TRAF3: variants seen among roughly 807,000 people sequenced by gnomAD.
TRAF3 encodes TNF receptor-associated factor 3.
In TRAF3, 13 loss-of-function variants were observed where a neutral mutation model predicts 62.3. That is an observed-to-expected ratio of 0.21 (90% CI 0.14 to 0.33). TRAF3 has a LOEUF of 0.33. Ranked by LOEUF, TRAF3 falls within the 10% of genes least tolerant of loss-of-function variation. TRAF3 has a pLI of 1.00. For missense variants in TRAF3, 440 were observed against 741.8 expected (o/e 0.59, Z 4.73); for synonymous variants, 269 against 283.4 (o/e 0.95, Z 0.51).
intron 7 of TRAF3, among the ~76,000 whole-genome samples, chr14:102,888,131 GTAATA>G (rs1241438602): frequency 2.6e-5 from 4 of 152,226 alleles, no homozygotes; most frequent in Non-Finnish European, 5.9e-5. Context: ...GGCTTAACAT[GTAATA>G]GCGTTGACAC....
chr14:102,848,651 C>T (rs190519769), intron 2 of TRAF3, among the ~76,000 whole-genome samples: 13 of 152,286 alleles, frequency 8.5e-5, no homozygotes, highest in Middle Eastern at 3.4e-3. Context: ...TTTGAAGCAG[C>T]GTCCAAATAA....
intron 6 of TRAF3, among the ~76,000 whole-genome samples, chr14:102,883,103 G>A (rs549717263): frequency 7.9e-5 from 12 of 152,312 alleles, no homozygotes; most frequent in African/African-American, 2.9e-4. Context: ...TCTTCTCCTG[G>A]ATGTGTAGGA....
chr14:102,846,000 A>C (rs940982846), intron 2 of TRAF3, among the ~76,000 whole-genome samples: 9 of 149,208 alleles, frequency 6.0e-5, no homozygotes, highest in African/African-American at 2.0e-4. Flanking sequence ...AAAAAAAAAA[A>C]AAAAAAAAAT....
At chr14:102,888,067 A>G (rs187736844) in intron 7 of TRAF3, among the ~76,000 whole-genome samples, 1 of 152,214 alleles carries the variant, frequency 6.6e-6, no homozygotes, top group East Asian at 1.9e-4. Context: ...CACCGAATTT[A>G]CTCTAGTACA....
intron 6 of TRAF3, among the ~76,000 whole-genome samples, chr14:102,880,826 G>A (rs1889008328): frequency 1.3e-5 from 2 of 152,178 alleles, no homozygotes; most frequent in South Asian, 2.1e-4. Context: ...GCCTATAATC[G>A]CAGCACTTTG....
intron 2 of TRAF3, among the ~76,000 whole-genome samples, chr14:102,858,937 G>A (rs1178048711): frequency 6.6e-6 from 1 of 152,114 alleles, no homozygotes. Context: ...AGACCAGAAG[G>A]TAAGATTCTT....
chr14:102,808,196 C>T (rs981268087), intron 1 of TRAF3, among the ~76,000 whole-genome samples: 1 of 152,018 alleles, frequency 6.6e-6, no homozygotes, highest in Non-Finnish European at 1.5e-5. Flanking sequence ...TCCTAAGTTT[C>T]GCAATGGAGA....
At chr14:102,820,593 TATATATATATATATATATA>T (rs1899860427) in intron 1 of TRAF3, among the ~76,000 whole-genome samples, 3 of 6,914 alleles carry the variant, frequency 4.3e-4, no homozygotes, top group East Asian at 5.1e-3. Flanking sequence ...TATATATATA[TATATATATATATATATATA>T]TATTTTTTTT....
At chr14:102,866,710 T>C (rs919051815) in intron 2 of TRAF3, among the ~76,000 whole-genome samples, 2 of 152,098 alleles carry the variant, frequency 1.3e-5, no homozygotes, top group Non-Finnish European at 2.9e-5. Context: ...CTGGGCATGG[T>C]GGCATGTGCC....
intron 9 of TRAF3, 52 bp from the exon 10 acceptor site, chr14:102,897,205 GTTAA>G (rs965698308): frequency 2.4e-5 from 36 of 1,502,836 alleles, no homozygotes; most frequent in South Asian, 1.3e-4. Flanking sequence ...TGATATTGTT[GTTAA>G]TTAATATGAA....
intron 2 of TRAF3, among the ~76,000 whole-genome samples, chr14:102,844,530 A>T (rs1265404792): frequency 6.6e-6 from 1 of 152,196 alleles, no homozygotes; most frequent in Non-Finnish European, 1.5e-5. Context: ...GACCAGGTGC[A>T]AATCACAGGC....
intron 6 of TRAF3, 121 bp from the exon 7 acceptor site, chr14:102,886,068 C>T (rs550345322): frequency 1.3e-5 from 11 of 818,936 alleles, no homozygotes; most frequent in Non-Finnish European, 2.0e-5. Flanking sequence ...ATGTGAGTGC[C>T]ATAACTTAGA....
intron 6 of TRAF3, among the ~76,000 whole-genome samples, chr14:102,885,055 A>G (rs1889296471): frequency 6.6e-6 from 1 of 151,468 alleles, no homozygotes; most frequent in African/African-American, 2.4e-5. Flanking sequence ...GCTGCCCTCC[A>G]CTCCCTTCTT....
At chr14:102,784,127 A>G (rs1415897263) in intron 1 of TRAF3, among the ~76,000 whole-genome samples, 1 of 151,936 alleles carries the variant, frequency 6.6e-6, no homozygotes, top group African/African-American at 2.4e-5. Context: ...CAAGGCAAAT[A>G]ATGACAAAGC....
intron 2 of TRAF3, among the ~76,000 whole-genome samples, chr14:102,853,467 T>C (rs1354109397): frequency 6.6e-6 from 1 of 152,018 alleles, no homozygotes; most frequent in East Asian, 1.9e-4. Flanking sequence ...ACTTTCTAAT[T>C]GAGATAAAAT....
intron 2 of TRAF3, among the ~76,000 whole-genome samples, chr14:102,853,362 G>T (rs888812419): frequency 2.6e-5 from 4 of 152,198 alleles, no homozygotes; most frequent in Non-Finnish European, 5.9e-5. Context: ...TATGTTCGTG[G>T]TGGTGGTAAG....
intron 9 of TRAF3, among the ~76,000 whole-genome samples, chr14:102,894,022 C>T (rs1038325256): frequency 6.6e-5 from 10 of 152,228 alleles, no homozygotes; most frequent in Admixed American, 2.0e-4. Flanking sequence ...AATGTTTGAG[C>T]GGGTTCACAA....
At chr14:102,894,053 G>A (rs1318882565) in intron 9 of TRAF3, among the ~76,000 whole-genome samples, 1 of 152,182 alleles carries the variant, frequency 6.6e-6, no homozygotes, top group Non-Finnish European at 1.5e-5. Flanking sequence ...TCAGCTGGGC[G>A]CGGTGGCTCA....
intron 2 of TRAF3, among the ~76,000 whole-genome samples, chr14:102,838,826 G>A (rs767453926): frequency 1.3e-5 from 2 of 152,106 alleles, no homozygotes; most frequent in Non-Finnish European, 2.9e-5. Context: ...ATTTGATGAC[G>A]TCTGATTGTT....
Sources: allele counts gnomAD v4.1 joint callset (sites outside exome capture counted in the v4.1 genomes callset), GRCh38; gene constraint gnomAD v4.1.1; transcripts MANE v1.5; gene names NCBI Gene and HGNC (gene_info 2026-07-23, HGNC 2026-07-21).